GATA4: variants seen among roughly 807,000 people sequenced by gnomAD.
GATA4 encodes GATA binding protein 4.
In GATA4, 7 loss-of-function variants were observed where a neutral mutation model predicts 37.9. That is an observed-to-expected ratio of 0.18 (90% confidence interval 0.11 to 0.35). The LOEUF (loss-of-function observed/expected upper bound fraction) is 0.35. GATA4 is among the 10% of genes least tolerant of loss of function. The pLI is 1.00. For missense variants in GATA4, 647 were observed against 653.0 expected (o/e 0.99, Z 0.10); for synonymous variants, 372 against 292.6 (o/e 1.27, Z -2.77).
chr8:11,695,641 C>T (rs1019681858), intron 1 of GATA4, among the ~76,000 whole-genome samples: 6 of 152,192 alleles, frequency 3.9e-5, no homozygotes, highest in African/African-American at 1.2e-4. Context: ...CTGGTTCTCT[C>T]CGCTTCCCAT....
chr8:11,678,587 TA>T, intron 1 of GATA4, among the ~76,000 whole-genome samples: 1 of 152,174 alleles, frequency 6.6e-6, no homozygotes, highest in East Asian at 1.9e-4. Context: ...GGGAAAGCCG[TA>T]TTATGTAAGG....
At chr8:11,719,868 T>G (rs942148895) in intron 2 of GATA4, among the ~76,000 whole-genome samples, 1 of 152,236 alleles carries the variant, frequency 6.6e-6, no homozygotes, top group African/African-American at 2.4e-5. Context: ...AACATATTTT[T>G]TAATCTTATG....
intron 2 of GATA4, among the ~76,000 whole-genome samples, chr8:11,734,367 C>T (rs35928010): frequency 0.55 from 83,211 of 152,132 alleles, 23,765 homozygotes; most frequent in African/African-American, 0.65. Context: ...AGCCAGGAAG[C>T]CCAAGATCAC....
chr8:11,719,181 A>T (rs1800561961), intron 2 of GATA4, among the ~76,000 whole-genome samples: 1 of 150,206 alleles, frequency 6.7e-6, no homozygotes, highest in Admixed American at 6.6e-5. Flanking sequence ...CAGATATTTT[A>T]TCAGGTATTA....
At chr8:11,687,077 C>T (rs1402285882) in intron 1 of GATA4, among the ~76,000 whole-genome samples, 2 of 151,896 alleles carry the variant, frequency 1.3e-5, no homozygotes, top group Non-Finnish European at 2.9e-5. Context: ...AAAGCCTGAG[C>T]AGACATCTGT....
chr8:11,714,466 A>T (rs772112713), intron 2 of GATA4, among the ~76,000 whole-genome samples: 2 of 152,210 alleles, frequency 1.3e-5, no homozygotes, highest in African/African-American at 4.8e-5. Context: ...TCATTTGTGC[A>T]GGGAACTTTG....
At chr8:11,731,212 G>T (rs1233936986) in intron 2 of GATA4, among the ~76,000 whole-genome samples, 1 of 152,214 alleles carries the variant, frequency 6.6e-6, no homozygotes, top group Admixed American at 6.5e-5. Context: ...AAACCACAGT[G>T]ATCCACATTT....
chr8:11,708,744 G>A lies in GATA4; in HGVS notation c.432G>A (p.Ala144=), dbSNP rs1356013644. The A allele has an allele frequency of 1.5e-6, 2 of 1,325,812 alleles. No homozygotes were observed. The highest frequency in any genetic ancestry group is 3.1e-5 in the African/African-American group (2 of 64,936). 82.1% of individuals were successfully genotyped at this position (1,325,812 alleles called of 1,614,324 possible). Residue 144 remains alanine (A), a synonymous_variant, in exon 2 of 7, where the codon GCG becomes GCA. Coordinates refer to ENST00000532059, the MANE Select transcript of GATA4 (RefSeq NM_001308093.3). This position sits in a 1 kb window ranked among gnomAD's most constrained non-coding sequence, Gnocchi z 6.7. ...GCGGAGCGGCGGGTGCGGGCCTGGCGGGCCGCGAGCAGTACGGGCGCGCCG... is the reference window on the plus strand; with the variant it reads ...GCGGAGCGGCGGGTGCGGGCCTGGCAGGCCGCGAGCAGTACGGGCGCGCCG... ...SGGGAAGAGL[A]GREQYGRAGF...
chr8:11,743,220 C>G (rs182614391), intron 2 of GATA4, among the ~76,000 whole-genome samples: 2 of 152,254 alleles, frequency 1.3e-5, no homozygotes, highest in East Asian at 3.8e-4. Context: ...TTGTGCATCC[C>G]CAGCTAGACC....
chr8:11,735,248 G>A (rs1801399191), intron 2 of GATA4, among the ~76,000 whole-genome samples: 1 of 152,202 alleles, frequency 6.6e-6, no homozygotes, highest in Admixed American at 6.5e-5. Context: ...AAGCATTCAT[G>A]TAAATCTTTA....
At chr8:11,737,047 C>G (rs1291986061) in intron 2 of GATA4, among the ~76,000 whole-genome samples, 1 of 151,936 alleles carries the variant, frequency 6.6e-6, no homozygotes, top group African/African-American at 2.4e-5. Context: ...ATGCAAAAAG[C>G]TTTCAGGGTA....
chr8:11,685,111 C>G (rs1799096922), intron 1 of GATA4, among the ~76,000 whole-genome samples: 1 of 152,160 alleles, frequency 6.6e-6, no homozygotes, highest in Non-Finnish European at 1.5e-5. Flanking sequence ...AGGTGAAAAA[C>G]AGAAAATAAC....
upstream of GATA4, among the ~76,000 whole-genome samples, chr8:11,703,415 T>A (rs144224056): frequency 9.5e-4 from 144 of 151,454 alleles, no homozygotes; most frequent in African/African-American, 3.4e-3. Context: ...CCCCATACCC[T>A]GGAAGAGCCC....
At chr8:11,677,012 T>G (rs1188089619) in exon 1 of GATA4, 1 of 152,314 alleles carries the variant, frequency 6.6e-6, no homozygotes, top group Non-Finnish European at 1.5e-5. Context: ...TGTGCAGAGT[T>G]TGCCTCACAC....
chr8:11,714,125 A>C (rs2130107340), intron 2 of GATA4, among the ~76,000 whole-genome samples: 1 of 152,350 alleles, frequency 6.6e-6, no homozygotes, highest in African/African-American at 2.4e-5. Flanking sequence ...GTGTTACTGG[A>C]AAGGCTAGGA....
chr8:11,730,995 CG>C (rs1563214832), intron 2 of GATA4, among the ~76,000 whole-genome samples: 1 of 152,246 alleles, frequency 6.6e-6, no homozygotes, highest in East Asian at 1.9e-4. Context: ...GCGAGCTTCT[CG>C]GGCAGTCTTC....
At chr8:11,692,908 G>T (rs1799367592) in intron 1 of GATA4, 1 of 983,338 alleles carries the variant, frequency 1.0e-6, no homozygotes, top group Non-Finnish European at 1.2e-6. Context: ...GCCTCCAGCC[G>T]CCTGGGGTTC....
chr8:11,757,248 C>G (rs929600090), intron 6 of GATA4, among the ~76,000 whole-genome samples, 165 bp downstream of exon 6: 6 of 152,236 alleles, frequency 3.9e-5, no homozygotes, highest in Non-Finnish European at 8.8e-5. Flanking sequence ...GTGTGGTGCC[C>G]TCAGGGCCGC....
At chr8:11,746,780 C>T (rs1585680305) in intron 2 of GATA4, among the ~76,000 whole-genome samples, 1 of 152,338 alleles carries the variant, frequency 6.6e-6, no homozygotes, top group Non-Finnish European at 1.5e-5. Context: ...TGAGGGCAGG[C>T]GACCTTGGTG....
Sources: gnomAD v4.1 joint callset for allele counts (sites outside exome capture counted in the v4.1 genomes callset) on GRCh38, gnomAD v4.1.1 for gene constraint, Gnocchi (gnomAD v3.1) non-coding constraint, MANE v1.5 for transcripts, NCBI Gene and HGNC (gene_info 2026-07-23, HGNC 2026-07-21) for gene names.